The following AGAP1 variants were observed in gnomAD, a reference collection of about 807,000 sequenced individuals.
The protein encoded by AGAP1 is ArfGAP with GTPase domain, ankyrin repeat and PH domain 1.
AGAP1 carries 29 observed loss-of-function variants against 105.3 expected under a neutral mutation model. The observed-to-expected ratio is 0.28, with a 90% CI of 0.21 to 0.38. AGAP1 has a LOEUF of 0.38. Among genes scored for constraint, AGAP1 ranks in the 10% least tolerant of loss-of-function variants. AGAP1 has a pLI of 1.00. For synonymous variants in AGAP1, 509 were observed against 485.9 expected (o/e 1.05, Z -0.63); for missense variants, 998 against 1,165.1 (o/e 0.86, Z 2.09).
intron 9 of AGAP1, among the ~76,000 whole-genome samples, chr2:235,844,112 G>A (rs1575599775): frequency 6.6e-6 from 1 of 152,210 alleles, no homozygotes; most frequent in Admixed American, 6.5e-5. Flanking sequence ...AAAGCCTTCT[G>A]GGCCATCCAT....
At position 235,981,261 on chromosome 2, in the gene AGAP1, CTTAA is replaced by C. The variant is rs946249511; in HGVS notation, c.1645+12643_1645+12646del. ...ATTTCAATAACTTGATTTGACTCTT[CTTAA>C]TTAAATAAATAGGTAGCTTTGTTCT... On this transcript the variant is annotated intron_variant, in intron 13 of 17. Transcript: ENST00000304032. The surrounding 1 kb of genome is among the most constrained non-coding windows in gnomAD (Gnocchi z 5.5). 1.2e-4 allele frequency among the ~76,000 whole-genome samples: 18 copies of C among 152,226 alleles called. No homozygotes were observed. Among genetic ancestry groups the C allele is most frequent in the African/African-American group, 4.1e-4 (17 of 41,538 alleles).
At chr2:236,032,592 G>T (rs1247051840) in intron 13 of AGAP1, among the ~76,000 whole-genome samples, 1 of 152,144 alleles carries the variant, frequency 6.6e-6, no homozygotes, top group African/African-American at 2.4e-5. Context: ...AGCATTATTA[G>T]AAAAGAGAGG....
chr2:235,501,760 C>T (rs1941571821), intron 1 of AGAP1, among the ~76,000 whole-genome samples: 1 of 152,136 alleles, frequency 6.6e-6, no homozygotes, highest in African/African-American at 2.4e-5. Context: ...TACACTCTAG[C>T]AAACCTGTGT....
Position 235,865,112 on chromosome 2 carries a change from C to T in AGAP1, c.1051-18233C>T, listed in dbSNP as rs1575645681. On this transcript the variant is annotated intron_variant, in intron 9 of 17. Transcript: ENST00000304032. The surrounding 1 kb of genome is among the most constrained non-coding windows in gnomAD (Gnocchi z 6.2). ...TGAAGTGTGTCGGTCACAAAGCATA[C>T]ATTTCGGGGCAGTTAGCTGAATAAT... Among the ~76,000 whole-genome samples, 1 of 152,320 alleles carries T rather than the reference C, an allele frequency of 6.6e-6. No homozygotes were observed. The highest frequency in any genetic ancestry group is 1.9e-4 in the East Asian group (1 of 5,184).
At chr2:235,637,672 A>G (rs1434294936) in intron 1 of AGAP1, among the ~76,000 whole-genome samples, 1 of 152,150 alleles carries the variant, frequency 6.6e-6, no homozygotes, top group East Asian at 1.9e-4. Context: ...AAGAGGAAGT[A>G]TTGTGTATGG....
At position 235,671,073 on chromosome 2, in the gene AGAP1, G is replaced by T. The variant is rs983813550; in HGVS notation, c.164-38106G>T. ...CCGCGCAGAGGTGGGCAGCGTGGCC[G>T]GGGGTCCCGGGACGGGAAGGGGCGT... is the stretch of plus-strand genomic sequence containing the variant. On this transcript the variant is annotated intron_variant, in intron 1 of 17. Coordinates refer to ENST00000304032, the MANE Select transcript of AGAP1 (RefSeq NM_001037131.3). 18 of 1,260,032 alleles carry T rather than the reference G, an allele frequency of 1.4e-5. No homozygotes were observed. The Middle Eastern group carries it at 1.2e-3, about 86-fold the overall frequency. 78.1% of individuals were successfully genotyped at this position (1,260,032 alleles called of 1,614,324 possible).
At position 236,120,225 on chromosome 2, in the gene AGAP1, C is replaced by A; in HGVS notation, c.2148C>A (p.Tyr716Ter). ...AGGAACGGTGGATCCGTGCCAAGTA[C>A]GAGCAGAAGCTCTTCCTGGCCCCGC... ...EEKERWIRAK[Y>*]EQKLFLAPLP... The change falls in exon 17 of 18, where the codon TAC (tyrosine) becomes TAA (stop). Residue 716 changes from tyrosine to a stop codon, truncating the protein, a stop_gained. Coordinates refer to ENST00000304032, the MANE Select transcript of AGAP1 (RefSeq NM_001037131.3). LOFTEE classifies it high-confidence loss of function. The surrounding 1 kb of genome is among the most constrained non-coding windows in gnomAD (Gnocchi z 6.0). 1 of 1,613,118 alleles carries A rather than the reference C, an allele frequency of 6.2e-7. No individual in the cohort carries two copies. The highest frequency in any genetic ancestry group is 8.5e-7 in the Non-Finnish European group (1 of 1,179,418).
chr2:235,956,640 A>G lies in AGAP1; in HGVS notation c.1484-11822A>G, dbSNP rs13418876. Among the ~76,000 whole-genome samples the G allele has an allele frequency of 5.4e-3, 820 of 152,316 alleles. 6 individuals carry two copies. The highest frequency in any genetic ancestry group is 0.019 in the African/African-American group (777 of 41,586). On this transcript the variant is annotated intron_variant, in intron 12 of 17. Coordinates refer to ENST00000304032, the MANE Select transcript of AGAP1 (RefSeq NM_001037131.3). ...GACCTGGGAGGCGAGAACACAGAGA[A>G]GCTTGAGAAGCCCAGGGCTGTCCCA...
rs869287617 is a variant in AGAP1, at chr2:235,686,646, G to GATATAT, written c.164-22518_164-22513dup. Among the ~76,000 whole-genome samples, 7 of 18,840 alleles carry GATATAT rather than the reference G, an allele frequency of 3.7e-4. No individual in the cohort carries two copies. The East Asian group carries it at 6.7e-3, about 18-fold the overall frequency. The allele number at this position is 18,840 out of a possible 152,430, so 12.4% of individuals were successfully genotyped here. ...ATATATATATATATATATATATATA[G>GATATAT]ATATATATATATATATATATTTTTT... On this transcript the variant is annotated intron_variant, in intron 1 of 17. Coordinates refer to ENST00000304032, the MANE Select transcript of AGAP1 (RefSeq NM_001037131.3).
At chr2:235,839,517 G>GC (rs1960555151) in intron 9 of AGAP1, among the ~76,000 whole-genome samples, 1 of 143,738 alleles carries the variant, frequency 7.0e-6, no homozygotes, top group South Asian at 2.1e-4. Flanking sequence ...GAGGCCAGGA[G>GC]CTCAAGGCTG....
chr2:235,878,393 G>T (rs2049851083), intron 9 of AGAP1, among the ~76,000 whole-genome samples: 6 of 152,140 alleles, frequency 3.9e-5, no homozygotes, highest in Admixed American at 3.9e-4. Context: ...AGCCCTGCAG[G>T]GTCGCTGTGT....
rs1027226031 is a variant in AGAP1 at position 235,744,307 on chromosome 2, G to A, written c.397-391G>A. Reference sequence around the variant, plus strand: ...TCCTTAAGAGGTTGAGAGTACAGTGGAAAGCCTTAGGGCTTGAGGGGCTCT... The same window carrying A: ...TCCTTAAGAGGTTGAGAGTACAGTGAAAAGCCTTAGGGCTTGAGGGGCTCT... On this transcript the variant is annotated intron_variant, in intron 4 of 17. Coordinates refer to ENST00000304032, the MANE Select transcript of AGAP1 (RefSeq NM_001037131.3). The surrounding 1 kb of genome is among the most constrained non-coding windows in gnomAD (Gnocchi z 5.2). 6.6e-6 allele frequency among the ~76,000 whole-genome samples: 1 copy of A among 152,210 alleles called. No homozygotes were observed. Among genetic ancestry groups the A allele is most frequent in the Non-Finnish European group, 1.5e-5 (1 of 68,044 alleles).
In AGAP1 at chr2:236,027,803, C is replaced by G. The variant is rs2057102945; in HGVS notation, c.1646-8758C>G. Among the ~76,000 whole-genome samples, 1 of 152,134 alleles carries G rather than the reference C, an allele frequency of 6.6e-6. No individual in the cohort carries two copies. Among genetic ancestry groups the G allele is most frequent in the Non-Finnish European group, 1.5e-5 (1 of 68,028 alleles). ...TCACTACATGGTGAACTGCTACTCACAGGGAAAAGCGTGGCGTTTAGACCT... is the reference window on the plus strand; with the variant it reads ...TCACTACATGGTGAACTGCTACTCAGAGGGAAAAGCGTGGCGTTTAGACCT... On this transcript the variant is annotated intron_variant, in intron 13 of 17. Coordinates refer to ENST00000304032, the MANE Select transcript of AGAP1 (RefSeq NM_001037131.3). This position sits in a 1 kb window ranked among gnomAD's most constrained non-coding sequence, Gnocchi z 4.4.
At chr2:236,122,656 C>A (rs1012705621) in intron 17 of AGAP1, among the ~76,000 whole-genome samples, 1 of 151,168 alleles carries the variant, frequency 6.6e-6, no homozygotes, top group Non-Finnish European at 1.5e-5. Flanking sequence ...GACATACATC[C>A]GGGCACTGTT....
In AGAP1 at chr2:235,845,036, G is replaced by A. The variant is rs534544056; in HGVS notation, c.1050+37705G>A. ...TGTCCCCAGGACCTAGTGGGGTCCCGGCCCAGCAGTGGGGCTCCACATGGC... is the reference window on the plus strand; with the variant it reads ...TGTCCCCAGGACCTAGTGGGGTCCCAGCCCAGCAGTGGGGCTCCACATGGC... On this transcript the variant is annotated intron_variant, in intron 9 of 17. Coordinates refer to ENST00000304032, the MANE Select transcript of AGAP1 (RefSeq NM_001037131.3). This position sits in a 1 kb window ranked among gnomAD's most constrained non-coding sequence, Gnocchi z 4.8. Among the ~76,000 whole-genome samples the A allele has an allele frequency of 1.3e-3, 198 of 152,246 alleles. 1 individual carries two copies. The highest frequency in any genetic ancestry group is 4.0e-3 in the African/African-American group (165 of 41,540).
intron 1 of AGAP1, among the ~76,000 whole-genome samples, chr2:235,704,309 A>G (rs10209486): frequency 0.076 from 11,643 of 152,308 alleles, 1,461 homozygotes; most frequent in African/African-American, 0.26. Context: ...ATTGAAGATG[A>G]AGAGTAATAA....
rs1056199252 is a variant in AGAP1 at position 235,877,372 on chromosome 2, G to A, written c.1051-5973G>A. On this transcript the variant is annotated intron_variant, in intron 9 of 17. Coordinates refer to ENST00000304032, the MANE Select transcript of AGAP1 (RefSeq NM_001037131.3). This position sits in a 1 kb window ranked among gnomAD's most constrained non-coding sequence, Gnocchi z 4.3. Reference sequence around the variant, plus strand: ...TGATGTTTTGCTGAAACAAAATGACGGCCATCCGTGCCAGGGGTTAGGGAT... The same window carrying A: ...TGATGTTTTGCTGAAACAAAATGACAGCCATCCGTGCCAGGGGTTAGGGAT... 6.6e-6 allele frequency among the ~76,000 whole-genome samples: 1 copy of A among 152,062 alleles called. No homozygotes were observed. Among genetic ancestry groups the A allele is most frequent in the African/African-American group, 2.4e-5 (1 of 41,394 alleles).
At chr2:235,869,399 A>G (rs1025302656) in intron 9 of AGAP1, among the ~76,000 whole-genome samples, 13 of 133,104 alleles carry the variant, frequency 9.8e-5, no homozygotes, top group East Asian at 5.0e-4. Context: ...CCTGACCAAC[A>G]TGGTGAAACT....
At chr2:235,670,004 G>T in intron 1 of AGAP1, 1 of 304,194 alleles carries the variant, frequency 3.3e-6, no homozygotes, top group Non-Finnish European at 6.0e-6. Context: ...GGGGGCGTGG[G>T]CCACACTCCC....
Sources: gnomAD v4.1 joint callset for allele counts (sites outside exome capture counted in the v4.1 genomes callset) on GRCh38, gnomAD v4.1.1 for gene constraint, Gnocchi (gnomAD v3.1) non-coding constraint, MANE v1.5 for transcripts, NCBI Gene and HGNC (gene_info 2026-07-23, HGNC 2026-07-21) for gene names.